The following CSMD2 variants were observed in gnomAD, a reference collection of about 807,000 sequenced individuals.
The protein encoded by CSMD2 is CUB and sushi domain-containing protein 2.
In CSMD2, 130 loss-of-function variants were observed where a neutral mutation model predicts 398.5. That is an observed-to-expected ratio of 0.33 (90% CI 0.28 to 0.38). CSMD2 has a LOEUF of 0.38. Among genes scored for constraint, CSMD2 ranks in the 10% least tolerant of loss-of-function variants. The probability of loss-of-function intolerance (pLI) is 1.00; values close to 1 mark genes in which losing one functional copy is unlikely to be tolerated. For missense variants in CSMD2, 3,829 were observed against 4,764.9 expected (o/e 0.80, Z 5.78); for synonymous variants, 1,828 against 1,908.5 (o/e 0.96, Z 1.10).
chr1:33,652,738 A>G (rs774210694), intron 27 of CSMD2, among the ~76,000 whole-genome samples: 1 of 152,136 alleles, frequency 6.6e-6, no homozygotes, highest in Non-Finnish European at 1.5e-5. Context: ...GGTGCATTTC[A>G]CCTCAATAAA....
At chr1:33,637,586 C>G (rs1357240205) in intron 29 of CSMD2, among the ~76,000 whole-genome samples, 1 of 152,174 alleles carries the variant, frequency 6.6e-6, no homozygotes, top group Admixed American at 6.5e-5. Flanking sequence ...ACCTTTCCTC[C>G]GTCCTCCTTG....
intron 15 of CSMD2, 129 bp downstream of exon 15, chr1:33,739,011 T>G: frequency 1.3e-6 from 1 of 782,952 alleles, no homozygotes; most frequent in Non-Finnish European, 2.0e-6. Flanking sequence ...GGTGAGAGAG[T>G]GGCCCTTCGT....
At chr1:33,896,925 A>C (rs967237094) in intron 5 of CSMD2, among the ~76,000 whole-genome samples, 1 of 151,794 alleles carries the variant, frequency 6.6e-6, no homozygotes, top group South Asian at 2.1e-4. Flanking sequence ...CGTGGCATCT[A>C]AGGACCAGCA....
intron 3 of CSMD2, among the ~76,000 whole-genome samples, chr1:33,949,491 G>A (rs972438303): frequency 6.6e-5 from 10 of 152,182 alleles, no homozygotes; most frequent in African/African-American, 1.9e-4. Context: ...AGCCTAATAA[G>A]AATCATTCGT....
At chr1:33,845,197 A>T (rs1661237541) in intron 6 of CSMD2, among the ~76,000 whole-genome samples, 1 of 152,240 alleles carries the variant, frequency 6.6e-6, no homozygotes, top group South Asian at 2.1e-4. Context: ...TAATTCTGCA[A>T]ATACAGAATG....
At chr1:34,063,206 C>T (rs1402815038) in intron 2 of CSMD2, among the ~76,000 whole-genome samples, 1 of 152,156 alleles carries the variant, frequency 6.6e-6, no homozygotes, top group Non-Finnish European at 1.5e-5. Context: ...ATCATTCCAA[C>T]CCTGGCCCCT....
At chr1:34,106,721 C>G (rs1383619224) in intron 1 of CSMD2, among the ~76,000 whole-genome samples, 5 of 152,164 alleles carry the variant, frequency 3.3e-5, no homozygotes, top group African/African-American at 1.2e-4. Flanking sequence ...TCCTCTCAAG[C>G]TGGGGATGCA....
rs986993685 is a variant in CSMD2, at chr1:33,635,547, G to A, written c.4970-217C>T. On this transcript the variant is annotated intron_variant, in intron 30 of 70. Transcript: ENST00000373381. This position sits in a 1 kb window ranked among gnomAD's most constrained non-coding sequence, Gnocchi z 5.0. ...GCCTGAAACTTGCCCTGAAGCTACC[G>A]AGGGCCCTCTTGGGCAGGTGTCAGT... Among the ~76,000 whole-genome samples, 3 of 152,200 alleles carry A rather than the reference G, an allele frequency of 2.0e-5. No individual in the cohort carries two copies. The highest frequency in any genetic ancestry group is 4.8e-5 in the African/African-American group (2 of 41,450).
intron 25 of CSMD2, among the ~76,000 whole-genome samples, chr1:33,677,216 CA>C (rs1644746131): frequency 6.6e-6 from 1 of 152,142 alleles, no homozygotes; most frequent in African/African-American, 2.4e-5. Context: ...ACTCATCTGA[CA>C]AAGGGCTAAC....
chr1:34,047,407 T>C (rs558852063), intron 2 of CSMD2, among the ~76,000 whole-genome samples: 1 of 152,310 alleles, frequency 6.6e-6, no homozygotes, highest in African/African-American at 2.4e-5. Context: ...ACTATTCTAC[T>C]TAAAATTGCA....
chr1:34,165,424 G>C, upstream of CSMD2: 1 of 729,844 alleles, frequency 1.4e-6, no homozygotes, highest in Non-Finnish European at 2.0e-6. Context: ...ATATTGGGGG[G>C]CGGGGGTTCC....
chr1:33,911,564 G>C (rs1378582873), intron 5 of CSMD2, among the ~76,000 whole-genome samples: 1 of 152,060 alleles, frequency 6.6e-6, no homozygotes, highest in Non-Finnish European at 1.5e-5. Context: ...TGAATGAAGG[G>C]AATGAAGTGA....
At chr1:33,857,472 A>G (rs913821320) in intron 5 of CSMD2, among the ~76,000 whole-genome samples, 2 of 152,004 alleles carry the variant, frequency 1.3e-5, no homozygotes, top group African/African-American at 4.8e-5. Flanking sequence ...GCCAGAACCA[A>G]GAACTCAGAT....
intron 3 of CSMD2, among the ~76,000 whole-genome samples, chr1:33,966,083 C>T (rs1645546534): frequency 6.6e-6 from 1 of 152,212 alleles, no homozygotes; most frequent in African/African-American, 2.4e-5. Context: ...TCAGAGATCA[C>T]TTCCCGTAAG....
chr1:33,622,129 C>T, intron 37 of CSMD2, 38 bp downstream of exon 37: 2 of 1,509,914 alleles, frequency 1.3e-6, no homozygotes, highest in African/African-American at 1.4e-5. Flanking sequence ...TTAGGTCCCA[C>T]CCTGAACCCT....
chr1:34,152,701 T>G (rs1166960048), intron 1 of CSMD2, among the ~76,000 whole-genome samples: 4 of 152,150 alleles, frequency 2.6e-5, no homozygotes, highest in Admixed American at 2.6e-4. Context: ...TCCCTCTTCT[T>G]TTATAAAAAT....
rs528707363 is a variant in CSMD2 at position 33,586,993 on chromosome 1, G to A, written c.6937+95C>T. On this transcript the variant is annotated intron_variant, in intron 45 of 70. Coordinates refer to ENST00000373381, the MANE Select transcript of CSMD2 (RefSeq NM_001281956.2). ...TTTCTCTCTCCACAGACAGGAGCAG[G>A]GGATAAGGTCCACTGGCCCGACAGC... 1.3e-4 allele frequency: 115 copies of A among 881,582 alleles called. No individual in the cohort carries two copies. In the African/African-American group the frequency reaches 1.5e-3, roughly 12 times the overall value. 54.6% of individuals were successfully genotyped at this position (881,582 alleles called of 1,614,324 possible).
At chr1:33,726,269 C>T (rs1421748008) in intron 16 of CSMD2, among the ~76,000 whole-genome samples, 1 of 152,126 alleles carries the variant, frequency 6.6e-6, no homozygotes, top group African/African-American at 2.4e-5. Context: ...GCCCACTCCC[C>T]CTCCTTGGGG....
chr1:33,945,947 A>G (rs894678113), intron 3 of CSMD2, among the ~76,000 whole-genome samples: 1 of 152,208 alleles, frequency 6.6e-6, no homozygotes, highest in African/African-American at 2.4e-5. Context: ...TAAATATGCA[A>G]TTTGAGGCTA....
Sources: allele counts gnomAD v4.1 joint callset (sites outside exome capture counted in the v4.1 genomes callset), GRCh38; gene constraint gnomAD v4.1.1; non-coding constraint Gnocchi (gnomAD v3.1); transcripts MANE v1.5; gene names NCBI Gene and HGNC (gene_info 2026-07-23, HGNC 2026-07-21).